TEFM: variants seen among roughly 807,000 people sequenced by gnomAD.
TEFM encodes the protein transcription elongation factor, mitochondrial, also known as transcription elongation factor of mitochondria.
TEFM carries 14 observed loss-of-function variants against 23.0 expected under a neutral mutation model. The ratio of observed to expected loss-of-function variants is 0.61; its 90% CI spans 0.40 to 0.95. The LOEUF (loss-of-function observed/expected upper bound fraction) is 0.95. Among genes scored for constraint, TEFM ranks in the 40% least tolerant of loss-of-function variants. TEFM has a pLI of 0.00. For missense variants in TEFM, 386 were observed against 425.5 expected, an observed-to-expected ratio of 0.91 and a Z score of 0.82; for synonymous variants, 155 against 158.3, an observed-to-expected ratio of 0.98 and a Z score of 0.16.
In TEFM at chr17:30,904,088, T is replaced by C. The variant is rs1910111179; in HGVS notation, c.473A>G (p.Asp158Gly). ...TACCTTAAGTCTTTCTCTTTCTATG[T>C]CTGGTTTGAGGAGCTTTCTCAGGAA... ...NRFLRKLLKP[D>G]IERERLKAVN... is the part of the protein sequence containing the mutation. The change falls in exon 2 of 4, where the codon GAC becomes GGC. Residue 158 changes from aspartate (D) to glycine (G), a missense_variant. By Grantham distance (94) the Asp-to-Gly change is moderately conservative. Coordinates refer to ENST00000581216, the MANE Select transcript of TEFM (RefSeq NM_024683.4). 6.2e-7 allele frequency: 1 copy of C among 1,613,670 alleles called. No individual in the cohort carries two copies. The highest frequency in any genetic ancestry group is 8.5e-7 in the Non-Finnish European group (1 of 1,179,808).
Position 30,904,475 on chromosome 17 carries a change from T to G in TEFM, c.86A>C (p.His29Pro). 1.9e-6 allele frequency: 3 copies of G among 1,614,144 alleles called. No individual in the cohort carries two copies. The highest frequency in any genetic ancestry group is 2.5e-6 in the Non-Finnish European group (3 of 1,180,026). The change falls in exon 2 of 4, where the codon CAT becomes CCT. Residue 29 changes from histidine to proline, a missense_variant. Physicochemically the swap from His to Pro is moderately conservative, Grantham distance 77 (BLOSUM62 -2). Transcript: ENST00000581216. ...GGATTTTTTCCGACAGCAGAAATTA[T>G]GTAAGGCCCAGTACAGGGATGACCT... ...PSRSSLYWAL[H>P]NFCCRKKSTT...
intron 2 of TEFM, 47 bp downstream of exon 2, chr17:30,904,019 A>T: frequency 6.5e-7 from 1 of 1,532,750 alleles, no homozygotes; most frequent in Non-Finnish European, 8.9e-7. Context: ...TGCTTTCTAG[A>T]GTAGGTTCTC....
rs1909989418 is a variant in TEFM, at chr17:30,899,420, G to T, written c.832C>A (p.Arg278=). ...TCAAAATGCTTCCCCACTGCATTTC[G>T]ATTCATGCTCAGCACCTGATGCTGC... ...DGQHQVLSMN[R]NAVGKHFELM... is the part of the protein sequence containing the mutation. Residue 278 remains arginine, a synonymous_variant, in exon 4 of 4, where the codon CGA becomes AGA. Coordinates refer to ENST00000581216, the MANE Select transcript of TEFM (RefSeq NM_024683.4). 1 of 1,614,092 alleles carries T rather than the reference G, an allele frequency of 6.2e-7. No homozygotes were observed. The highest frequency in any genetic ancestry group is 2.2e-5 in the East Asian group (1 of 44,878).
At chr17:30,900,612 C>G in intron 2 of TEFM, 50 bp from the exon 3 acceptor site, 1 of 1,554,582 alleles carries the variant, frequency 6.4e-7, no homozygotes, top group Non-Finnish European at 8.8e-7. Context: ...TTAGTTTTTT[C>G]TTTTTTTGAG....
intron 2 of TEFM, among the ~76,000 whole-genome samples, chr17:30,901,073 A>C (rs769188314): frequency 1.4e-4 from 22 of 152,292 alleles, no homozygotes; most frequent in Non-Finnish European, 2.8e-4. Flanking sequence ...CCCAGGCTAG[A>C]GTGCAGTGGC....
chr17:30,899,602 G>A lies in TEFM; in HGVS notation c.650C>T (p.Ser217Phe), dbSNP rs1909994468. The change falls in exon 4 of 4, where the codon TCC (serine) becomes TTC (phenylalanine). Residue 217 changes from serine to phenylalanine, a missense_variant. Transcript: ENST00000581216. ...YSSSVYLEEI[S>F]SIISKMPKAD... ...TTTAGGCATCTTTGAAATGATCGAGGAAATCTTTTTAAAAAAAGACAAAAT... is the reference window on the plus strand; with the variant it reads ...TTTAGGCATCTTTGAAATGATCGAGAAAATCTTTTTAAAAAAAGACAAAAT... 3 of 1,500,500 alleles carry A rather than the reference G, an allele frequency of 2.0e-6. No individual in the cohort carries two copies. Among genetic ancestry groups the A allele is most frequent in the African/African-American group, 1.4e-5 (1 of 71,466 alleles). The allele number at this position is 1,500,500 out of a possible 1,614,324, so 92.9% of individuals were successfully genotyped here. A position where few individuals can be genotyped will look rare whatever the true frequency, so the allele number is the denominator to read the frequency against.
rs372880771 is a variant in TEFM at position 30,903,288 on chromosome 17, G to A, written c.495+778C>T. Among the ~76,000 whole-genome samples the A allele has an allele frequency of 2.0e-3, 286 of 144,662 alleles. 1 individual carries two copies. The highest frequency in any genetic ancestry group is 6.9e-3 in the African/African-American group (270 of 38,998). 94.9% of individuals were successfully genotyped at this position (144,662 alleles called of 152,430 possible). ...TGTAGCCAGGCTGGAGTGCACTGGC[G>A]TGATGTCAGCTCACTGCAACCTCTG... On this transcript the variant is annotated intron_variant, in intron 2 of 3. Transcript: ENST00000581216.
intron 1 of TEFM, among the ~76,000 whole-genome samples, chr17:30,905,530 A>AAAAAG (rs1910151003): frequency 6.6e-6 from 1 of 152,154 alleles, no homozygotes; most frequent in East Asian, 1.9e-4. Flanking sequence ...CAAAAAAAAA[A>AAAAAG]AAAAAAGGGT....
chr17:30,906,170 C>T lies in TEFM; in HGVS notation c.29G>A (p.Gly10Glu). 1 of 1,614,186 alleles carries T rather than the reference C, an allele frequency of 6.2e-7. No individual in the cohort carries two copies. The highest frequency in any genetic ancestry group is 1.1e-5 in the South Asian group (1 of 91,074). The part of the protein sequence containing the change: MSGSVLFTA[G>E]ERWRCFLTPS... ...CCCCAGTGTTCCAAGCACCCTACCT[C>T]CCGCCGTGAAGAGGACAGACCCGCT... Residue 10 changes from glycine to glutamate, a missense_variant and splice_region_variant, in exon 1 of 4, where the codon GGA becomes GAA. Transcript: ENST00000581216.
At chr17:30,900,787 TAG>T (rs1273553271) in intron 2 of TEFM, among the ~76,000 whole-genome samples, 6 of 151,002 alleles carry the variant, frequency 4.0e-5, no homozygotes, top group African/African-American at 1.5e-4. Flanking sequence ...TTTTTTTTTT[TAG>T]TAGAGATGGG....
chr17:30,904,608 T>G (rs1598010196), intron 1 of TEFM, 79 bp from the exon 2 acceptor site: 1 of 970,006 alleles, frequency 1.0e-6, no homozygotes, highest in East Asian at 2.5e-5. Flanking sequence ...CTAGATCCTT[T>G]GCAAAGTCAC....
chr17:30,901,433 TAG>T (rs1432568233), intron 2 of TEFM, among the ~76,000 whole-genome samples: 28 of 152,186 alleles, frequency 1.8e-4, no homozygotes, highest in African/African-American at 6.5e-4. Flanking sequence ...AGGTCTGCAC[TAG>T]ATACTAGGAA....
At chr17:30,904,618 C>A in intron 1 of TEFM, 89 bp from the exon 2 acceptor site, 1 of 838,624 alleles carries the variant, frequency 1.2e-6, no homozygotes, top group Non-Finnish European at 1.8e-6. Context: ...TGCAAAGTCA[C>A]AAATACTTTC....
intron 1 of TEFM, among the ~76,000 whole-genome samples, chr17:30,905,546 C>T (rs1414457434): frequency 6.6e-6 from 1 of 150,394 alleles, no homozygotes; most frequent in East Asian, 2.0e-4. Context: ...AGGGTTTTGT[C>T]TTCACTTCCA....
At position 30,904,525 on chromosome 17, in the gene TEFM, C is replaced by T. The variant is rs946354889; in HGVS notation, c.36G>A (p.Arg12=). ...TCGACGGGGTCAGAAAGCATCTCCA[C>T]CTCTCTAAAAGGAAAATTTAGCAAA... is the stretch of plus-strand genomic sequence containing the variant. ...SGSVLFTAGE[R]WRCFLTPSRS... is the part of the protein sequence containing the mutation. Residue 12 remains arginine, a synonymous_variant, in exon 2 of 4, where the codon AGG becomes AGA. Transcript: ENST00000581216. 2 of 1,594,712 alleles carry T rather than the reference C, an allele frequency of 1.3e-6. No individual in the cohort carries two copies. The highest frequency in any genetic ancestry group is 1.8e-5 in the Admixed American group (1 of 55,868).
Position 30,906,179 on chromosome 17 carries a change from A to G in TEFM, c.20T>C (p.Phe7Ser). The G allele has an allele frequency of 6.2e-7, 1 of 1,614,206 alleles. No individual in the cohort carries two copies. The highest frequency in any genetic ancestry group is 8.5e-7 in the Non-Finnish European group (1 of 1,180,036). Residue 7 changes from phenylalanine (F) to serine (S), a missense_variant, in exon 1 of 4, where the codon TTC (phenylalanine) becomes TCC (serine). Coordinates refer to ENST00000581216, the MANE Select transcript of TEFM (RefSeq NM_024683.4). Reference sequence around the variant, plus strand: ...TCCAAGCACCCTACCTCCCGCCGTGAAGAGGACAGACCCGCTCATCTCCAA... The same window carrying G: ...TCCAAGCACCCTACCTCCCGCCGTGGAGAGGACAGACCCGCTCATCTCCAA... MSGSVL[F>S]TAGERWRCFL...
chr17:30,899,332 G>C lies in TEFM; in HGVS notation c.920C>G (p.Ser307Cys). 1 of 1,614,200 alleles carries C rather than the reference G, an allele frequency of 6.2e-7. No individual in the cohort carries two copies. The highest frequency in any genetic ancestry group is 1.7e-5 in the Admixed American group (1 of 60,018). The stretch of plus-strand genomic sequence containing the variant: ...CACCCGAGGATCCGCCTTCAGTATA[G>C]AATCGAAGAGAAACTGCTTCACTAG... ...KELVKQFLFDSILKADPRVFF... is the reference protein window; with the variant it reads ...KELVKQFLFDCILKADPRVFF... Residue 307 changes from serine (S) to cysteine (C), a missense_variant, in exon 4 of 4, where the codon TCT (serine) becomes TGT (cysteine). By Grantham distance (112) the Ser-to-Cys change is moderately radical. Transcript: ENST00000581216.
chr17:30,900,301 G>A (rs1972419448), intron 3 of TEFM, 112 bp downstream of exon 3: 1 of 1,048,574 alleles, frequency 9.5e-7, no homozygotes, highest in Admixed American at 2.5e-5. Flanking sequence ...TGAGTAACAA[G>A]TACCAGAAGA....
At chr17:30,903,024 T>G (rs948547809) in intron 2 of TEFM, among the ~76,000 whole-genome samples, 1 of 150,980 alleles carries the variant, frequency 6.6e-6, no homozygotes, top group African/African-American at 2.4e-5. Flanking sequence ...GTGCCTGTAG[T>G]TTCAGCTACT....
Sources: gnomAD v4.1 joint callset for allele counts (sites outside exome capture counted in the v4.1 genomes callset) on GRCh38, gnomAD v4.1.1 for gene constraint, MANE v1.5 for transcripts, NCBI Gene and HGNC (gene_info 2026-07-23, HGNC 2026-07-21) for gene names.